The following HEG1 variants were observed in gnomAD, a reference collection of about 807,000 sequenced individuals.
The protein encoded by HEG1 is heart development protein with EGF like domains 1.
Under a neutral mutation model 125.6 loss-of-function variants are expected in HEG1, and 56 were observed. The ratio of observed to expected loss-of-function variants is 0.45; its 90% CI spans 0.36 to 0.56. HEG1 has a LOEUF of 0.56. HEG1 is among the 20% of genes least tolerant of loss of function. HEG1 has a pLI of 0.00. For missense variants in HEG1, 1,523 were observed against 1,670.0 expected, an observed-to-expected ratio of 0.91 and a Z score of 1.53; for synonymous variants, 644 against 668.5, an observed-to-expected ratio of 0.96 and a Z score of 0.57.
In HEG1 at chr3:125,010,444, C is replaced by T. The variant is rs1346415566; in HGVS notation, c.3068G>A (p.Ser1023Asn). The T allele has an allele frequency of 4.5e-6, 7 of 1,550,794 alleles. No homozygotes were observed. Among genetic ancestry groups the T allele is most frequent in the Non-Finnish European group, 6.1e-6 (7 of 1,145,602 alleles). The change falls in exon 7 of 17, where the codon AGT (serine) becomes AAT (asparagine). Residue 1023 changes from serine to asparagine, a missense_variant. Coordinates refer to ENST00000311127, the MANE Select transcript of HEG1 (RefSeq NM_020733.2). ...CPPSWQGDDC[S>N]VDVNECLSNP... ...GGCGTTACTTTTTCTCTTACCCACA[C>T]TGCAATCATCCCCTTGCCAGGAAGG...
rs536757136 is a variant in HEG1, at chr3:125,026,321, C to T, written c.913+884G>A. Among the ~76,000 whole-genome samples the T allele has an allele frequency of 2.6e-5, 4 of 152,192 alleles. No homozygotes were observed. In the East Asian group the frequency reaches 5.8e-4, roughly 22 times the overall value. On this transcript the variant is annotated intron_variant, in intron 3 of 16. Transcript: ENST00000311127. ...ACCTAAAGGAAGTAACAGACACAGCCGGTGTCCTCAAGAGGATTACAGTCT... is the reference window on the plus strand; with the variant it reads ...ACCTAAAGGAAGTAACAGACACAGCTGGTGTCCTCAAGAGGATTACAGTCT...
At chr3:124,972,627 G>A (rs1406267464) in intron 16 of HEG1, among the ~76,000 whole-genome samples, 1 of 152,158 alleles carries the variant, frequency 6.6e-6, no homozygotes, top group Non-Finnish European at 1.5e-5. Context: ...AAGTCCCCAT[G>A]GGGCAAGGTT....
chr3:125,010,156 G>C (rs1045676531), intron 7 of HEG1, among the ~76,000 whole-genome samples: 1 of 152,204 alleles, frequency 6.6e-6, no homozygotes, highest in Non-Finnish European at 1.5e-5. Context: ...GCAGTGGGGG[G>C]ATTCCAGCCT....
At chr3:125,046,384 T>C (rs1466201546) in intron 1 of HEG1, among the ~76,000 whole-genome samples, 1 of 128,466 alleles carries the variant, frequency 7.8e-6, no homozygotes, top group Non-Finnish European at 1.6e-5. Flanking sequence ...TATATGTATA[T>C]ATATATATAC....
At chr3:124,978,984 C>G (rs1285989630) in intron 14 of HEG1, among the ~76,000 whole-genome samples, 1 of 147,302 alleles carries the variant, frequency 6.8e-6, no homozygotes, top group African/African-American at 2.5e-5. Context: ...GAGTCTTGCT[C>G]TTGTTGCCCA....
At chr3:125,043,612 A>C (rs1937619433) in intron 1 of HEG1, among the ~76,000 whole-genome samples, 1 of 152,072 alleles carries the variant, frequency 6.6e-6, no homozygotes, top group Admixed American at 6.5e-5. Flanking sequence ...CATCCAACAC[A>C]GTGGCTGAAG....
chr3:124,983,378 C>A (rs1936685504), intron 14 of HEG1, among the ~76,000 whole-genome samples: 1 of 151,672 alleles, frequency 6.6e-6, no homozygotes, highest in East Asian at 1.9e-4. Flanking sequence ...GCTCTGTCAC[C>A]CAGGCTGCAG....
At chr3:125,023,432 T>C (rs1279802660) in intron 3 of HEG1, among the ~76,000 whole-genome samples, 5 of 152,168 alleles carry the variant, frequency 3.3e-5, no homozygotes, top group Non-Finnish European at 7.4e-5. Context: ...TATCTCATTA[T>C]CTCATCATTA....
intron 8 of HEG1, among the ~76,000 whole-genome samples, chr3:125,009,199 G>A (rs1326575809): frequency 2.0e-5 from 3 of 152,130 alleles, no homozygotes; most frequent in Non-Finnish European, 2.9e-5. Flanking sequence ...ATGAGCAAGA[G>A]CATGAAGGTC....
chr3:124,999,996 T>C (rs1432388179), intron 11 of HEG1, among the ~76,000 whole-genome samples: 1 of 152,202 alleles, frequency 6.6e-6, no homozygotes, highest in Non-Finnish European at 1.5e-5. Context: ...ACTGCCCTTA[T>C]GCTGGAAACA....
intron 14 of HEG1, among the ~76,000 whole-genome samples, chr3:124,979,004 G>A (rs1936602634): frequency 6.6e-6 from 1 of 150,440 alleles, no homozygotes; most frequent in Non-Finnish European, 1.5e-5. Flanking sequence ...AGTCTGGAGT[G>A]CAATGGTGCG....
At chr3:124,971,893 A>T (rs1936431196) in intron 16 of HEG1, 1 of 148,888 alleles carries the variant, frequency 6.7e-6, no homozygotes, top group African/African-American at 2.5e-5. Context: ...GGCTTAAGTG[A>T]TCCTCCTGCC....
intron 8 of HEG1, among the ~76,000 whole-genome samples, chr3:125,006,871 G>A (rs547305136): frequency 3.3e-5 from 5 of 152,138 alleles, no homozygotes; most frequent in African/African-American, 1.2e-4. Context: ...CTCATCTCAC[G>A]TGTCTAGGCT....
chr3:124,980,166 C>T (rs1461076442), intron 14 of HEG1, among the ~76,000 whole-genome samples: 5 of 152,236 alleles, frequency 3.3e-5, no homozygotes, highest in African/African-American at 9.6e-5. Flanking sequence ...GAGCTACCAT[C>T]ATCCCTTGTC....
chr3:124,977,147 T>C (rs1346219727), intron 15 of HEG1, among the ~76,000 whole-genome samples: 2 of 152,196 alleles, frequency 1.3e-5, no homozygotes, highest in Non-Finnish European at 1.5e-5. Flanking sequence ...CTTTGCCTGC[T>C]GCCATTCACG....
intron 6 of HEG1, among the ~76,000 whole-genome samples, chr3:125,011,363 T>C (rs1397377853): frequency 6.6e-6 from 1 of 152,214 alleles, no homozygotes; most frequent in Non-Finnish European, 1.5e-5. Context: ...AGCACTTATA[T>C]AGCCAAACAC....
chr3:125,011,386 A>G (rs912077398), intron 6 of HEG1, among the ~76,000 whole-genome samples: 3 of 152,210 alleles, frequency 2.0e-5, no homozygotes, highest in Non-Finnish European at 4.4e-5. Flanking sequence ...ACCCATGAAC[A>G]CTGGCACAAA....
chr3:125,035,928 AG>A (rs1308034086), intron 1 of HEG1, among the ~76,000 whole-genome samples: 1 of 152,164 alleles, frequency 6.6e-6, no homozygotes, highest in Admixed American at 6.5e-5. Flanking sequence ...ACCTCTCTAA[AG>A]AACAGAAATA....
At chr3:125,004,209 C>A (rs942729628) in intron 9 of HEG1, among the ~76,000 whole-genome samples, 5 of 152,188 alleles carry the variant, frequency 3.3e-5, no homozygotes, top group African/African-American at 1.2e-4. Context: ...GTATTTTACA[C>A]AGATAAAGTC....
Sources: allele counts gnomAD v4.1 joint callset (sites outside exome capture counted in the v4.1 genomes callset), GRCh38; gene constraint gnomAD v4.1.1; transcripts MANE v1.5; gene names NCBI Gene and HGNC (gene_info 2026-07-23, HGNC 2026-07-21).